The following CPLX1 variants were observed in gnomAD, a reference collection of about 807,000 sequenced individuals.
The protein encoded by CPLX1 is complexin-1.
A neutral mutation model predicts 15.6 loss-of-function variants in CPLX1; 6 were observed. The ratio of observed to expected loss-of-function variants is 0.39; its 90% CI spans 0.21 to 0.76. The LOEUF (loss-of-function observed/expected upper bound fraction) is 0.76. Ranked by LOEUF, CPLX1 falls within the 30% of genes least tolerant of loss-of-function variation. CPLX1 has a pLI of 0.43. For missense variants in CPLX1, 242 were observed against 188.6 expected (o/e 1.28, Z -1.66); for synonymous variants, 91 against 75.2 (o/e 1.21, Z -1.08).
intron 3 of CPLX1, chr4:787,350 TC>T (rs1358172675): frequency 1.0e-6 from 1 of 985,322 alleles, no homozygotes; most frequent in African/African-American, 1.7e-5. Flanking sequence ...CCCGCGTTTC[TC>T]ATCTCCCGTG....
chr4:787,671 C>T (rs898764689), intron 3 of CPLX1: 1 of 984,210 alleles, frequency 1.0e-6, no homozygotes, highest in Non-Finnish European at 1.2e-6. Flanking sequence ...CCCAGAGCCT[C>T]CAGAGGGAGT....
rs764077376 is a variant in CPLX1 at position 786,522 on chromosome 4, C to T, written c.384G>A (p.Leu128=). The change falls in exon 4 of 4, where the codon CTG becomes CTA. Residue 128 remains leucine, a synonymous_variant. Coordinates refer to ENST00000304062, the MANE Select transcript of CPLX1 (RefSeq NM_006651.4). ...GCGGCTACTTCTTGAGCATGTCCTG[C>T]AGCGGCCCGGGCAGGTACTTGATGA... The part of the protein sequence containing the change: ...DTVIKYLPGP[L]QDMLKK 1.3e-6 allele frequency: 2 copies of T among 1,598,412 alleles called. No individual in the cohort carries two copies. The highest frequency in any genetic ancestry group is 1.7e-6 in the Non-Finnish European group (2 of 1,172,504).
intron 2 of CPLX1, among the ~76,000 whole-genome samples, chr4:795,948 G>A (rs1229389627): frequency 1.3e-5 from 2 of 152,102 alleles, no homozygotes; most frequent in African/African-American, 4.8e-5. Flanking sequence ...TCAGGGCCGC[G>A]CGTTTCCAGC....
intron 2 of CPLX1, among the ~76,000 whole-genome samples, chr4:799,253 A>T (rs547775347): frequency 1.3e-5 from 2 of 152,366 alleles, no homozygotes; most frequent in Admixed American, 6.5e-5. Context: ...GAATCTGGAC[A>T]GGCCTTGCTG....
At chr4:820,397 CA>C (rs1240279220) in intron 2 of CPLX1, among the ~76,000 whole-genome samples, 2 of 152,206 alleles carry the variant, frequency 1.3e-5, no homozygotes, top group African/African-American at 4.8e-5. Flanking sequence ...TCAAACTGGG[CA>C]AGAAGAGAGA....
chr4:796,593 T>C (rs555169393), intron 2 of CPLX1, among the ~76,000 whole-genome samples: 1 of 152,210 alleles, frequency 6.6e-6, no homozygotes, highest in Non-Finnish European at 1.5e-5. Flanking sequence ...CAATGTTAAT[T>C]TTTAAGAATG....
chr4:820,859 C>G (rs1374539701), intron 2 of CPLX1, among the ~76,000 whole-genome samples: 1 of 152,128 alleles, frequency 6.6e-6, no homozygotes, highest in East Asian at 1.9e-4. Context: ...CCCCCACAAG[C>G]CCCTTGGGTT....
At chr4:787,669 C>T in intron 3 of CPLX1, 1 of 984,142 alleles carries the variant, frequency 1.0e-6, no homozygotes, top group Non-Finnish European at 1.2e-6. Flanking sequence ...CCCCCAGAGC[C>T]TCCAGAGGGA....
At chr4:794,631 C>T (rs1746280324) in intron 2 of CPLX1, among the ~76,000 whole-genome samples, 1 of 152,192 alleles carries the variant, frequency 6.6e-6, no homozygotes, top group African/African-American at 2.4e-5. Context: ...CCCCCACAGT[C>T]CTGACTGCCT....
intron 3 of CPLX1, among the ~76,000 whole-genome samples, chr4:789,255 A>G (rs1553852271): frequency 2.6e-5 from 4 of 152,092 alleles, no homozygotes; most frequent in Non-Finnish European, 5.9e-5. Context: ...AGGCACACCC[A>G]GCCCCAGGCC....
chr4:787,225 T>G (rs1007637577), intron 3 of CPLX1: 39 of 985,246 alleles, frequency 4.0e-5, no homozygotes, highest in Non-Finnish European at 1.1e-5. Context: ...TGCAGCTCCG[T>G]GGGCAGCCGG....
chr4:797,500 G>A (rs1335620092), intron 2 of CPLX1, among the ~76,000 whole-genome samples: 2 of 152,108 alleles, frequency 1.3e-5, no homozygotes, highest in Admixed American at 6.5e-5. Flanking sequence ...ACTAATATTT[G>A]TATTTTTAAT....
At chr4:800,991 T>C (rs1234516048) in intron 2 of CPLX1, among the ~76,000 whole-genome samples, 1 of 150,770 alleles carries the variant, frequency 6.6e-6, no homozygotes, top group Non-Finnish European at 1.5e-5. Flanking sequence ...CACTCTAGCC[T>C]GGGCGACAAG....
intron 3 of CPLX1, chr4:787,500 T>G: frequency 8.5e-6 from 6 of 704,140 alleles, no homozygotes; most frequent in Non-Finnish European, 1.0e-5. Context: ...CATCCTGGAT[T>G]TGAGGGGCCT....
At chr4:795,650 G>C (rs752392103) in intron 2 of CPLX1, among the ~76,000 whole-genome samples, 1 of 152,182 alleles carries the variant, frequency 6.6e-6, no homozygotes, top group South Asian at 2.1e-4. Flanking sequence ...GGAGGCGGTG[G>C]GGGGGCGCAC....
At chr4:793,572 C>T (rs1450132888) in intron 2 of CPLX1, among the ~76,000 whole-genome samples, 2 of 152,228 alleles carry the variant, frequency 1.3e-5, no homozygotes, top group Non-Finnish European at 2.9e-5. Context: ...CTGGACCCAG[C>T]ACACAGGTGT....
chr4:809,529 G>A (rs912834438), intron 2 of CPLX1, among the ~76,000 whole-genome samples: 11 of 152,060 alleles, frequency 7.2e-5, no homozygotes, highest in Non-Finnish European at 1.5e-4. Flanking sequence ...GGCCTGAGGG[G>A]GTGGGGGGGA....
intron 3 of CPLX1, among the ~76,000 whole-genome samples, chr4:792,117 CCGCCCCACGACCCCT>C (rs1746193879): frequency 6.6e-6 from 1 of 151,978 alleles, no homozygotes; most frequent in Admixed American, 6.5e-5. Flanking sequence ...TGCCAGGTGG[CCGCCCCACGACCCCT>C]CGGCCCAGGG....
rs545792858 is a variant in CPLX1, at chr4:788,249, A to G, written c.208-1551T>C. ...CAAGGAGGCCCCTCCTTCCTCCCAA[A>G]TGGAGGGGGGGCTGCCTGTGTGCTC... is the stretch of plus-strand genomic sequence containing the variant. On this transcript the variant is annotated intron_variant, in intron 3 of 3. Coordinates refer to ENST00000304062, the MANE Select transcript of CPLX1 (RefSeq NM_006651.4). 35 of 984,926 alleles carry G rather than the reference A, an allele frequency of 3.6e-5. No individual in the cohort carries two copies. In the East Asian group the frequency reaches 3.2e-3, roughly 90 times the overall value. The allele number at this position is 984,926 out of a possible 1,614,324, so 61.0% of individuals were successfully genotyped here. A position where few individuals can be genotyped will look rare whatever the true frequency, so the allele number is the denominator to read the frequency against.
Sources: allele counts gnomAD v4.1 joint callset (sites outside exome capture counted in the v4.1 genomes callset), GRCh38; gene constraint gnomAD v4.1.1; transcripts MANE v1.5; gene names NCBI Gene and HGNC (gene_info 2026-07-23, HGNC 2026-07-21).